The following GNA14 variants were observed in gnomAD, a reference collection of about 807,000 sequenced individuals.
GNA14 encodes the protein G protein subunit alpha 14.
GNA14 carries 50 observed loss-of-function variants against 42.0 expected under a neutral mutation model. The observed-to-expected ratio is 1.19, with a 90% confidence interval of 0.95 to 1.51. The LOEUF is 1.51. GNA14 is among the 40% of genes most tolerant of loss of function. The probability of loss-of-function intolerance (pLI) is 0.00; values close to 1 mark genes in which losing one functional copy is unlikely to be tolerated. For missense variants in GNA14, 473 were observed against 446.2 expected (o/e 1.06, Z -0.54); for synonymous variants, 173 against 163.1 (o/e 1.06, Z -0.46).
chr9:77,591,824 A>G (rs1317024055), intron 1 of GNA14, among the ~76,000 whole-genome samples: 1 of 151,624 alleles, frequency 6.6e-6, no homozygotes, highest in African/African-American at 2.4e-5. Context: ...TTCTAGATAG[A>G]TTTCCCATAA....
At chr9:77,431,797 C>G in intron 3 of GNA14, 1 of 205,842 alleles carries the variant, frequency 4.9e-6, no homozygotes, top group African/African-American at 2.3e-5. Flanking sequence ...AACACCCCAT[C>G]TGTCATCCTC....
intron 1 of GNA14, among the ~76,000 whole-genome samples, chr9:77,604,957 A>T (rs767581341): frequency 6.6e-6 from 1 of 152,190 alleles, no homozygotes; most frequent in Non-Finnish European, 1.5e-5. Flanking sequence ...ATGTCACAGA[A>T]ATTCATTCAA....
intron 1 of GNA14, among the ~76,000 whole-genome samples, chr9:77,579,437 G>A (rs1313688628): frequency 1.3e-5 from 2 of 152,068 alleles, no homozygotes; most frequent in African/African-American, 4.8e-5. Flanking sequence ...AGCTGATACT[G>A]GTTCTGGTTT....
chr9:77,467,567 T>C (rs533194526), intron 2 of GNA14, among the ~76,000 whole-genome samples: 1 of 150,708 alleles, frequency 6.6e-6, no homozygotes, highest in Admixed American at 6.7e-5. Context: ...CACCAACATG[T>C]CTACTGTGAA....
intron 1 of GNA14, among the ~76,000 whole-genome samples, chr9:77,572,104 A>C (rs1053465440): frequency 6.6e-6 from 1 of 152,172 alleles, no homozygotes; most frequent in Non-Finnish European, 1.5e-5. Flanking sequence ...GCCCATGAAA[A>C]ATTCCCAGGT....
At position 77,637,757 on chromosome 9, in the gene GNA14, G is replaced by A. The variant is rs573335493; in HGVS notation, c.124+9913C>T. ...TAGTCCCAGCTACTCGGCAGGCTGA[G>A]GTGGAAGGATTGCTTGAGCCCAGGA... On this transcript the variant is annotated intron_variant, in intron 1 of 6. Coordinates refer to ENST00000341700, the MANE Select transcript of GNA14 (RefSeq NM_004297.4). Among the ~76,000 whole-genome samples the A allele has an allele frequency of 3.9e-4, 59 of 152,312 alleles. 1 individual carries two copies. Among genetic ancestry groups the A allele is most frequent in the African/African-American group, 1.4e-3 (57 of 41,574 alleles).
chr9:77,506,213 T>C (rs2131746554), intron 2 of GNA14, among the ~76,000 whole-genome samples: 1 of 150,108 alleles, frequency 6.7e-6, no homozygotes, highest in African/African-American at 2.5e-5. Flanking sequence ...GCTCAGGAGG[T>C]TGAGGTTGCA....
At chr9:77,479,789 G>A (rs549206632) in intron 2 of GNA14, among the ~76,000 whole-genome samples, 171 of 152,126 alleles carry the variant, frequency 1.1e-3, no homozygotes, top group African/African-American at 3.8e-3. Flanking sequence ...TGGATTCCTA[G>A]GTATTTTATT....
At chr9:77,529,728 T>C (rs1837500753) in intron 1 of GNA14, among the ~76,000 whole-genome samples, 5 of 152,224 alleles carry the variant, frequency 3.3e-5, no homozygotes. Context: ...AATGTCTATG[T>C]GCTTGCTTCT....
chr9:77,493,046 T>TA (rs1564030867), intron 2 of GNA14, among the ~76,000 whole-genome samples: 1 of 136,580 alleles, frequency 7.3e-6, no homozygotes, highest in Non-Finnish European at 1.6e-5. Context: ...TATATATATA[T>TA]TTGGGAGATG....
chr9:77,432,297 C>T (rs1587756629), intron 3 of GNA14, among the ~76,000 whole-genome samples: 1 of 152,182 alleles, frequency 6.6e-6, no homozygotes, highest in Non-Finnish European at 1.5e-5. Flanking sequence ...AGGTCACAGG[C>T]AAACCCTGTT....
intron 1 of GNA14, among the ~76,000 whole-genome samples, chr9:77,584,456 C>T (rs1823270329): frequency 6.6e-6 from 1 of 152,142 alleles, no homozygotes; most frequent in African/African-American, 2.4e-5. Context: ...AGAGAATAAA[C>T]ATCCCTAGCC....
intron 1 of GNA14, among the ~76,000 whole-genome samples, chr9:77,578,909 G>C (rs1029083217): frequency 1.3e-5 from 2 of 152,282 alleles, no homozygotes; most frequent in East Asian, 3.9e-4. Context: ...CCTTCCACTT[G>C]ATGGGCATCC....
chr9:77,569,772 T>TC (rs1823032562), intron 1 of GNA14, among the ~76,000 whole-genome samples: 1 of 137,502 alleles, frequency 7.3e-6, no homozygotes, highest in South Asian at 2.1e-4. Context: ...CTTTCTTTCT[T>TC]TTTTTTTTTT....
At position 77,504,660 on chromosome 9, in the gene GNA14, C is replaced by CTTT. The variant is rs34631344; in HGVS notation, c.309+24406_309+24408dup. ...GCCATGGTTCTAGAAGTCTGGCCGACTTTTTTTTTTTTTTTTTTTTTTTTG... is the reference window on the plus strand; with the variant it reads ...GCCATGGTTCTAGAAGTCTGGCCGACTTTTTTTTTTTTTTTTTTTTTTTTTTTG... On this transcript the variant is annotated intron_variant, in intron 2 of 6. Transcript: ENST00000341700. Among the ~76,000 whole-genome samples, 574 of 76,132 alleles carry CTTT rather than the reference C, an allele frequency of 7.5e-3. 27 individuals carry two copies. Among genetic ancestry groups the CTTT allele is most frequent in the African/African-American group, 0.019 (374 of 19,246 alleles). The allele number at this position is 76,132 out of a possible 152,430, so 49.9% of individuals were successfully genotyped here.
chr9:77,601,269 C>A (rs1823559790), intron 1 of GNA14, among the ~76,000 whole-genome samples: 1 of 152,054 alleles, frequency 6.6e-6, no homozygotes, highest in South Asian at 2.1e-4. Flanking sequence ...CTAACTTTTC[C>A]TGGTCGTGAC....
At chr9:77,619,886 A>T (rs939415474) in intron 1 of GNA14, among the ~76,000 whole-genome samples, 1 of 152,206 alleles carries the variant, frequency 6.6e-6, no homozygotes, top group African/African-American at 2.4e-5. Context: ...TACCAGTCAG[A>T]CTACCAATTC....
intron 5 of GNA14, among the ~76,000 whole-genome samples, chr9:77,428,083 CTTTT>C (rs975674188): frequency 8.7e-6 from 1 of 114,694 alleles, no homozygotes. Context: ...TTTTTTTTTT[CTTTT>C]TTTTTTTTTG....
intron 1 of GNA14, among the ~76,000 whole-genome samples, chr9:77,559,540 G>C (rs1353767730): frequency 6.6e-6 from 1 of 152,214 alleles, no homozygotes; most frequent in Non-Finnish European, 1.5e-5. Flanking sequence ...AGGGCATGCA[G>C]AAAAGAAAGT....
Sources: allele counts gnomAD v4.1 joint callset (sites outside exome capture counted in the v4.1 genomes callset), GRCh38; gene constraint gnomAD v4.1.1; transcripts MANE v1.5; gene names NCBI Gene and HGNC (gene_info 2026-07-23, HGNC 2026-07-21).